The following USH2A variants were observed in gnomAD, a reference collection of about 807,000 sequenced individuals.
The protein encoded by USH2A is usherin, also known as Usher syndrome 2A (autosomal recessive, mild).
A neutral mutation model predicts 538.9 loss-of-function variants in USH2A; 443 were observed. That is an observed-to-expected ratio of 0.82 (90% CI 0.76 to 0.89). USH2A has a LOEUF of 0.89. Among genes scored for constraint, USH2A ranks in the 40% least tolerant of loss-of-function variants. The pLI is 0.00. For missense variants in USH2A, 6,633 were observed against 6,324.8 expected, an observed-to-expected ratio of 1.05 and a Z score of -1.65; for synonymous variants, 2,413 against 2,273.5, an observed-to-expected ratio of 1.06 and a Z score of -1.75.
chr1:216,232,226 T>A (rs1266808892), intron 13 of USH2A, 90 bp from the exon 14 acceptor site: 1 of 1,389,066 alleles, frequency 7.2e-7, no homozygotes, highest in East Asian at 2.5e-5. Flanking sequence ...AAAAACAGAA[T>A]ACTCTACCAA....
chr1:216,229,197 T>C (rs1374328406), intron 14 of USH2A, among the ~76,000 whole-genome samples: 1 of 151,940 alleles, frequency 6.6e-6, no homozygotes, highest in Non-Finnish European at 1.5e-5. Context: ...CCACACTTAA[T>C]CTGAATCATT....
At chr1:216,099,685 A>G (rs1261402197) in intron 21 of USH2A, among the ~76,000 whole-genome samples, 1 of 152,228 alleles carries the variant, frequency 6.6e-6, no homozygotes, top group African/African-American at 2.4e-5. Context: ...GGAAAGGCAC[A>G]TTAAGACATA....
intron 11 of USH2A, among the ~76,000 whole-genome samples, chr1:216,284,083 T>TTC: frequency 6.6e-6 from 1 of 152,148 alleles, no homozygotes; most frequent in African/African-American, 2.4e-5. Context: ...CTCTCTGTCT[T>TTC]TCTCTCTCTA....
chr1:215,780,901 A>C (rs187089697), intron 54 of USH2A, among the ~76,000 whole-genome samples: 1 of 152,370 alleles, frequency 6.6e-6, no homozygotes. Context: ...TGGCTCTTGC[A>C]CAGTGTGCAA....
chr1:216,196,605 T>C lies in USH2A; in HGVS notation c.4199A>G (p.Asn1400Ser), dbSNP rs774831710. The C allele has an allele frequency of 6.2e-6, 10 of 1,613,492 alleles. No homozygotes were observed. The South Asian group carries it at 9.9e-5, about 16-fold the overall frequency. Reference sequence around the variant, plus strand: ...TTGAGGTGATTGTTCAGAAAGCATATTGATGTCATACCCCACAACTTTTCC... The same window carrying C: ...TTGAGGTGATTGTTCAGAAAGCATACTGATGTCATACCCCACAACTTTTCC... ...TRGKVVGYDI[N>S]MLSEQSPQQS... is the part of the protein sequence containing the mutation. The change falls in exon 19 of 72, where the codon AAT (asparagine) becomes AGT (serine). Residue 1400 changes from asparagine to serine, a missense_variant. Coordinates refer to ENST00000307340, the MANE Select transcript of USH2A (RefSeq NM_206933.4).
At chr1:215,872,225 A>G (rs1384021990) in intron 43 of USH2A, among the ~76,000 whole-genome samples, 1 of 152,228 alleles carries the variant, frequency 6.6e-6, no homozygotes, top group African/African-American at 2.4e-5. Flanking sequence ...CAAACAAAGA[A>G]AAATGAAATG....
At position 215,670,841 on chromosome 1, in the gene USH2A, A is replaced by G. The variant is rs114165318; in HGVS notation, c.14133+131T>C. ...CCTCATTTACCACTTAAAAATTTTT[A>G]AGGAATATTATTATTCTCCTTAAGT... is the stretch of plus-strand genomic sequence containing the variant. On this transcript the variant is annotated intron_variant, in intron 64 of 71. Coordinates refer to ENST00000307340, the MANE Select transcript of USH2A (RefSeq NM_206933.4). 717 of 937,922 alleles carry G rather than the reference A, an allele frequency of 7.6e-4. 4 individuals carry two copies. The African/African-American group carries it at 0.011, about 14-fold the overall frequency. 58.1% of individuals were successfully genotyped at this position (937,922 alleles called of 1,614,324 possible).
At chr1:216,239,302 A>G (rs1017031144) in intron 13 of USH2A, among the ~76,000 whole-genome samples, 1 of 152,200 alleles carries the variant, frequency 6.6e-6, no homozygotes, top group Non-Finnish European at 1.5e-5. Context: ...GTTGAACACA[A>G]CGCTTTTCGT....
intron 4 of USH2A, among the ~76,000 whole-genome samples, chr1:216,351,048 G>T (rs1182663506): frequency 6.6e-6 from 1 of 152,048 alleles, no homozygotes; most frequent in African/African-American, 2.4e-5. Flanking sequence ...CATGGAAGCT[G>T]CCCATCGATT....
intron 4 of USH2A, among the ~76,000 whole-genome samples, chr1:216,363,528 C>T (rs1312018018): frequency 6.6e-6 from 1 of 151,678 alleles, no homozygotes; most frequent in Non-Finnish European, 1.5e-5. Flanking sequence ...TACATATGTA[C>T]GTATGTATAC....
chr1:215,897,389 T>C lies in USH2A; in HGVS notation c.7594+2686A>G, dbSNP rs146118758. Among the ~76,000 whole-genome samples, 72 of 152,228 alleles carry C rather than the reference T, an allele frequency of 4.7e-4. 1 individual carries two copies. In the East Asian group the frequency reaches 0.012, roughly 26 times the overall value. ...AAGACGATATGTGAAATTTCTACAT[T>C]GAAAATTGCACTTTGGGTTGGGTGA... On this transcript the variant is annotated intron_variant, in intron 40 of 71. Transcript: ENST00000307340.
rs776982638 is a variant in USH2A, at chr1:216,292,191, A to G, written c.1824T>C (p.Cys608=). Residue 608 remains cysteine (C), a synonymous_variant, in exon 10 of 72, where the codon TGT becomes TGC. Transcript: ENST00000307340. The part of the protein sequence containing the change: ...FRGGGGVCDD[C]EHNTTGRNCE... ...GCTACTTACCTGTAGTGTTATGCTC[A>G]CAATCATCACAAACTCCTCCTCCCC... 27 of 1,613,982 alleles carry G rather than the reference A, an allele frequency of 1.7e-5. No homozygotes were observed. Among genetic ancestry groups the G allele is most frequent in the Non-Finnish European group, 2.3e-5 (27 of 1,179,966 alleles).
intron 37 of USH2A, among the ~76,000 whole-genome samples, chr1:215,954,488 C>G (rs1366545843): frequency 2.1e-5 from 3 of 145,856 alleles, no homozygotes; most frequent in African/African-American, 5.1e-5. Flanking sequence ...ACCGTATGTT[C>G]TCACTCATAG....
intron 30 of USH2A, among the ~76,000 whole-genome samples, chr1:216,061,414 T>A (rs2031177359): frequency 1.3e-5 from 2 of 152,244 alleles, no homozygotes; most frequent in Admixed American, 6.5e-5. Context: ...TTATTTTTTA[T>A]ATACATTTAG....
At chr1:215,912,501 A>ATATATGTG (rs1553275512) in intron 38 of USH2A, among the ~76,000 whole-genome samples, 3 of 27,666 alleles carry the variant, frequency 1.1e-4, no homozygotes, top group Non-Finnish European at 2.9e-4. Flanking sequence ...GTGTATATAT[A>ATATATGTG]TATATATATA....
intron 61 of USH2A, among the ~76,000 whole-genome samples, chr1:215,721,324 C>G (rs1025661653): frequency 6.6e-6 from 1 of 152,176 alleles, no homozygotes; most frequent in Admixed American, 6.5e-5. Context: ...ATCCACCCAC[C>G]TCGGCCTCCC....
intron 11 of USH2A, among the ~76,000 whole-genome samples, chr1:216,259,956 G>T (rs2036336285): frequency 6.6e-6 from 1 of 152,010 alleles, no homozygotes; most frequent in Non-Finnish European, 1.5e-5. Context: ...CAACGTTCTT[G>T]ACTAATCAGA....
intron 49 of USH2A, among the ~76,000 whole-genome samples, chr1:215,803,753 T>C (rs1438492706): frequency 6.6e-6 from 1 of 152,120 alleles, no homozygotes; most frequent in Non-Finnish European, 1.5e-5. Flanking sequence ...AAGCTACCAA[T>C]GACTTTCTTC....
intron 6 of USH2A, among the ~76,000 whole-genome samples, chr1:216,324,927 T>A (rs2037698826): frequency 6.6e-6 from 1 of 152,104 alleles, no homozygotes; most frequent in African/African-American, 2.4e-5. Flanking sequence ...GTAAATAGGG[T>A]CTTTGCAGTA....
Sources: gnomAD v4.1 joint callset for allele counts (sites outside exome capture counted in the v4.1 genomes callset) on GRCh38, gnomAD v4.1.1 for gene constraint, MANE v1.5 for transcripts, NCBI Gene and HGNC (gene_info 2026-07-23, HGNC 2026-07-21) for gene names.